The following RPA1 variants were observed in gnomAD, a reference collection of about 807,000 sequenced individuals.
The protein encoded by RPA1 is replication protein A 70 kDa DNA-binding subunit.
Under a neutral mutation model 83.0 loss-of-function variants are expected in RPA1, and 49 were observed. The ratio of observed to expected loss-of-function variants is 0.59; its 90% CI spans 0.47 to 0.75. RPA1 has a LOEUF of 0.75. Ranked by LOEUF, RPA1 falls within the 30% of genes least tolerant of loss-of-function variation. RPA1 has a pLI of 0.00. For synonymous variants in RPA1, 279 were observed against 281.8 expected, an observed-to-expected ratio of 0.99 and a Z score of 0.10; for missense variants, 693 against 776.1, an observed-to-expected ratio of 0.89 and a Z score of 1.27.
chr17:1,883,758 A>G (rs771334396), intron 12 of RPA1, 54 bp from the exon 13 acceptor site: 47 of 1,608,190 alleles, frequency 2.9e-5, no homozygotes, highest in Admixed American at 2.8e-4. Context: ...CATGTGGAGA[A>G]GCAGAAGCAT....
intron 15 of RPA1, among the ~76,000 whole-genome samples, chr17:1,894,731 A>G (rs1294841561): frequency 6.6e-6 from 1 of 152,144 alleles, no homozygotes; most frequent in African/African-American, 2.4e-5. Context: ...TGGCGATTTG[A>G]AACTCTGCAC....
chr17:1,836,308 C>A (rs773962087), intron 1 of RPA1, among the ~76,000 whole-genome samples: 5 of 151,988 alleles, frequency 3.3e-5, no homozygotes, highest in Non-Finnish European at 7.4e-5. Context: ...TGGGGTTTCA[C>A]TATGTTGGCC....
At chr17:1,848,226 G>A (rs1912335536) in intron 4 of RPA1, among the ~76,000 whole-genome samples, 1 of 152,132 alleles carries the variant, frequency 6.6e-6, no homozygotes, top group Non-Finnish European at 1.5e-5. Flanking sequence ...AGTTCATTAT[G>A]GTACGTGAAT....
chr17:1,890,198 T>C (rs1914152557), intron 14 of RPA1, among the ~76,000 whole-genome samples: 1 of 151,870 alleles, frequency 6.6e-6, no homozygotes, highest in Non-Finnish European at 1.5e-5. Context: ...GGCAAGACCC[T>C]GTCTCTACAA....
rs1007532839 is a variant in RPA1, at chr17:1,880,611, T to G, written c.1161T>G (p.Gly387=). The G allele has an allele frequency of 1.2e-6, 2 of 1,614,164 alleles. No homozygotes were observed. The highest frequency in any genetic ancestry group is 8.5e-7 in the Non-Finnish European group (1 of 1,180,026). Residue 387 remains glycine, a synonymous_variant, in exon 12 of 17, where the codon GGT becomes GGG. Transcript: ENST00000254719. The part of the protein sequence containing the change: ...AIKGARVSDF[G]GRSLSVLSSS... ...AAGGAGCCCGAGTCTCTGATTTCGGTGGACGGAGCCTCTCCGTGCTGTCTT... is the reference window on the plus strand; with the variant it reads ...AAGGAGCCCGAGTCTCTGATTTCGGGGGACGGAGCCTCTCCGTGCTGTCTT...
intron 5 of RPA1, among the ~76,000 whole-genome samples, chr17:1,868,063 A>G (rs1913245183): frequency 6.6e-6 from 1 of 152,142 alleles, no homozygotes; most frequent in Admixed American, 6.5e-5. Flanking sequence ...CAACCTGGGC[A>G]TTGGAGCAAT....
intron 1 of RPA1, among the ~76,000 whole-genome samples, chr17:1,831,124 A>G (rs899588950): frequency 5.3e-5 from 8 of 152,194 alleles, no homozygotes; most frequent in African/African-American, 1.9e-4. Flanking sequence ...ATTTCTTTGT[A>G]CAGAGCCACC....
At chr17:1,874,954 T>C (rs903192325) in intron 6 of RPA1, among the ~76,000 whole-genome samples, 5 of 152,210 alleles carry the variant, frequency 3.3e-5, no homozygotes, top group African/African-American at 1.2e-4. Context: ...TTTTCTGAAT[T>C]TGGACGTTGA....
chr17:1,860,594 C>T (rs1319200824), intron 5 of RPA1, among the ~76,000 whole-genome samples: 1 of 152,132 alleles, frequency 6.6e-6, no homozygotes, highest in Non-Finnish European at 1.5e-5. Context: ...TCTTTAAAAA[C>T]TCATCTACAT....
rs1487573955 is a variant in RPA1, at chr17:1,875,731, C to G, written c.525C>G (p.His175Gln). 6.2e-7 allele frequency: 1 copy of G among 1,614,196 alleles called. No homozygotes were observed. Among genetic ancestry groups the G allele is most frequent in the Admixed American group, 1.7e-5 (1 of 60,018 alleles). Residue 175 changes from histidine to glutamine, a missense_variant, in exon 7 of 17, where the codon CAC becomes CAG. Coordinates refer to ENST00000254719, the MANE Select transcript of RPA1 (RefSeq NM_002945.5). ...AAGCTGCAGGTCCCAGCCTGTCACA[C>G]ACTTCTGGGGGAACACAGTCCAAAG... The part of the protein sequence containing the change: ...FGKAAGPSLS[H>Q]TSGGTQSKVV...
At chr17:1,890,973 T>C (rs1389900289) in intron 14 of RPA1, among the ~76,000 whole-genome samples, 1 of 152,238 alleles carries the variant, frequency 6.6e-6, no homozygotes, top group African/African-American at 2.4e-5. Context: ...CAGGGTGTGA[T>C]ACCGTTGCTG....
chr17:1,895,777 G>T (rs1914395071), intron 16 of RPA1, among the ~76,000 whole-genome samples: 1 of 151,698 alleles, frequency 6.6e-6, no homozygotes, highest in Admixed American at 6.6e-5. Context: ...CCGCCTCCCG[G>T]GTTCAAGTGA....
rs1913411066 is a variant in RPA1, at chr17:1,872,485, C to T, written c.413C>T (p.Ala138Val). 2.5e-6 allele frequency: 4 copies of T among 1,613,930 alleles called. No individual in the cohort carries two copies. Among genetic ancestry groups the T allele is most frequent in the Admixed American group, 1.7e-5 (1 of 59,994 alleles). Residue 138 changes from alanine (A) to valine (V), a missense_variant, in exon 6 of 17, where the codon GCA becomes GTA. Physicochemically the swap from Ala to Val is moderately conservative, Grantham distance 64. Transcript: ENST00000254719. Reference protein sequence around the residue: ...APPAPAASPAASSRPQPQNGS... With the variant: ...APPAPAASPAVSSRPQPQNGS... ...CCAGCGCCAGCAGCCAGCCCAGCAGCAAGCAGCAGGCCCCAGCCGCAGAAT... is the reference window on the plus strand; with the variant it reads ...CCAGCGCCAGCAGCCAGCCCAGCAGTAAGCAGCAGGCCCCAGCCGCAGAAT...
At chr17:1,881,524 C>T (rs12943171) in intron 12 of RPA1, among the ~76,000 whole-genome samples, 29,363 of 152,116 alleles carry the variant, frequency 0.19, 3,155 homozygotes, top group East Asian at 0.41. Context: ...ATGAGTAGTA[C>T]GGTCCACACG....
At chr17:1,840,857 A>G (rs530275351) in intron 1 of RPA1, among the ~76,000 whole-genome samples, 43 of 152,222 alleles carry the variant, frequency 2.8e-4, no homozygotes, top group African/African-American at 9.9e-4. Flanking sequence ...ACCAGAGGTC[A>G]GGAGTTTGAG....
intron 5 of RPA1, among the ~76,000 whole-genome samples, chr17:1,862,440 G>C (rs1189381382): frequency 9.2e-6 from 1 of 108,266 alleles, no homozygotes; most frequent in East Asian, 2.5e-4. Flanking sequence ...ATTTATTTGA[G>C]ATGGAGTCTC....
At chr17:1,833,074 C>G (rs1567797289) in intron 1 of RPA1, among the ~76,000 whole-genome samples, 1 of 151,992 alleles carries the variant, frequency 6.6e-6, no homozygotes, top group Non-Finnish European at 1.5e-5. Context: ...TTACAGGTGC[C>G]CACCACCACA....
At chr17:1,870,538 G>T (rs775354402) in intron 5 of RPA1, among the ~76,000 whole-genome samples, 2 of 152,176 alleles carry the variant, frequency 1.3e-5, no homozygotes, top group Non-Finnish European at 2.9e-5. Flanking sequence ...GTCCATTAAC[G>T]TTGGCGTAAG....
intron 8 of RPA1, among the ~76,000 whole-genome samples, chr17:1,878,719 C>T (rs555367009): frequency 9.2e-5 from 14 of 152,228 alleles, no homozygotes; most frequent in Non-Finnish European, 1.5e-4. Context: ...TTGTTCTGTT[C>T]TGTTTCTCAG....
Sources: allele counts gnomAD v4.1 joint callset (sites outside exome capture counted in the v4.1 genomes callset), GRCh38; gene constraint gnomAD v4.1.1; transcripts MANE v1.5; gene names NCBI Gene and HGNC (gene_info 2026-07-23, HGNC 2026-07-21).